The following LHFPL3 variants were observed in gnomAD, a reference collection of about 807,000 sequenced individuals.
LHFPL3 encodes LHFPL tetraspan subfamily member 3.
LHFPL3 carries 5 observed loss-of-function variants against 19.3 expected under a neutral mutation model. That is an observed-to-expected ratio of 0.26 (90% CI 0.14 to 0.54). The LOEUF (loss-of-function observed/expected upper bound fraction) is 0.54, where lower values mean the gene tolerates loss of function less well. Among genes scored for constraint, LHFPL3 ranks in the 20% least tolerant of loss-of-function variants. LHFPL3 has a pLI of 0.94. For synonymous variants in LHFPL3, 133 were observed against 126.2 expected (o/e 1.05, Z -0.36); for missense variants, 249 against 307.4 (o/e 0.81, Z 1.42).
intron 2 of LHFPL3, among the ~76,000 whole-genome samples, chr7:104,826,157 G>A (rs1486149765): frequency 1.3e-5 from 2 of 151,942 alleles, no homozygotes; most frequent in African/African-American, 4.9e-5. Flanking sequence ...CACCAAGGCT[G>A]CTGACCAGCC....
intron 1 of LHFPL3, among the ~76,000 whole-genome samples, chr7:104,456,691 A>T (rs1001074874): frequency 6.6e-6 from 1 of 152,178 alleles, no homozygotes; most frequent in Non-Finnish European, 1.5e-5. Flanking sequence ...CTACACTTGT[A>T]CTTTGGTGCC....
chr7:104,637,725 G>A (rs1475765827), intron 1 of LHFPL3, among the ~76,000 whole-genome samples: 1 of 149,438 alleles, frequency 6.7e-6, no homozygotes, highest in African/African-American at 2.5e-5. Context: ...TCTCTATTCT[G>A]TTTCATTGGT....
At chr7:104,670,871 T>TG (rs1792466138) in intron 1 of LHFPL3, among the ~76,000 whole-genome samples, 1 of 151,886 alleles carries the variant, frequency 6.6e-6, no homozygotes. Flanking sequence ...GTTTTGTTTT[T>TG]TTTTTTTTAA....
chr7:104,813,640 T>C (rs1192339413), intron 2 of LHFPL3, among the ~76,000 whole-genome samples: 2 of 152,160 alleles, frequency 1.3e-5, no homozygotes, highest in Non-Finnish European at 2.9e-5. Context: ...CAGTCAGACA[T>C]GCTGGCTGCT....
intron 1 of LHFPL3, among the ~76,000 whole-genome samples, chr7:104,521,641 T>C (rs1331164564): frequency 6.6e-6 from 1 of 152,160 alleles, no homozygotes; most frequent in African/African-American, 2.4e-5. Flanking sequence ...CCTACTCATC[T>C]GACAAAGGGC....
intron 1 of LHFPL3, among the ~76,000 whole-genome samples, chr7:104,696,241 C>T (rs1455475896): frequency 6.6e-5 from 10 of 152,188 alleles, no homozygotes; most frequent in Admixed American, 3.3e-4. Context: ...TGAGCCATTG[C>T]GCCCAGCCTG....
chr7:104,891,667 T>C (rs575347607), intron 2 of LHFPL3, among the ~76,000 whole-genome samples: 29 of 152,244 alleles, frequency 1.9e-4, no homozygotes, highest in African/African-American at 6.7e-4. Context: ...TGGGCAGAGG[T>C]TGGGAAGCCT....
intron 1 of LHFPL3, chr7:104,667,951 T>C (rs1267695849): frequency 3.7e-6 from 6 of 1,613,256 alleles, no homozygotes; most frequent in East Asian, 4.5e-5. Context: ...GCGCCTCCAA[T>C]TGACCGTTCC....
At position 104,328,769 on chromosome 7, in the gene LHFPL3, GGA is replaced by G; in HGVS notation, c.-9_-8del. On this transcript the variant is annotated 5_prime_UTR_variant, in exon 1 of 3. Transcript: ENST00000424859. The surrounding 1 kb of genome is among the most constrained non-coding windows in gnomAD (Gnocchi z 4.6). Reference sequence around the variant, plus strand: ...ACCAGGAGGAGGAGGAGGAGGAGGAGGAGGGGGAGAATGCCCGGAGCCGCCGC... The same window carrying G: ...ACCAGGAGGAGGAGGAGGAGGAGGAGGGGGGAGAATGCCCGGAGCCGCCGC... 1 of 1,568,288 alleles carries G rather than the reference GGA, an allele frequency of 6.4e-7. No homozygotes were observed. Among genetic ancestry groups the G allele is most frequent in the African/African-American group, 1.4e-5 (1 of 73,688 alleles).
intron 1 of LHFPL3, among the ~76,000 whole-genome samples, chr7:104,517,304 T>TA (rs1450430691): frequency 1.8e-4 from 27 of 151,952 alleles, no homozygotes; most frequent in African/African-American, 6.3e-4. Context: ...GTTAAATTTT[T>TA]AAAAAAATTG....
intron 1 of LHFPL3, among the ~76,000 whole-genome samples, chr7:104,397,236 T>C (rs1427052944): frequency 6.6e-6 from 1 of 152,138 alleles, no homozygotes; most frequent in Non-Finnish European, 1.5e-5. Context: ...GTAAAAGTTA[T>C]AGGCTGTGAT....
chr7:104,532,194 G>A (rs1430415080), intron 1 of LHFPL3, among the ~76,000 whole-genome samples: 1 of 151,836 alleles, frequency 6.6e-6, no homozygotes, highest in African/African-American at 2.4e-5. Context: ...ATAGCTCACT[G>A]TAGCCTCAAA....
intron 1 of LHFPL3, among the ~76,000 whole-genome samples, chr7:104,573,099 AG>A (rs1018425916): frequency 1.3e-5 from 2 of 152,116 alleles, no homozygotes; most frequent in African/African-American, 4.8e-5. Context: ...TCATTTGGGG[AG>A]GGAAAATGGG....
At chr7:104,650,859 TG>T (rs1429810734) in intron 1 of LHFPL3, among the ~76,000 whole-genome samples, 4 of 152,154 alleles carry the variant, frequency 2.6e-5, no homozygotes, top group Non-Finnish European at 5.9e-5. Flanking sequence ...AAAATTTCTA[TG>T]GGGCATCACT....
chr7:104,754,840 C>T (rs557714971), intron 2 of LHFPL3, among the ~76,000 whole-genome samples: 1 of 152,268 alleles, frequency 6.6e-6, no homozygotes, highest in South Asian at 2.1e-4. Flanking sequence ...ATGGCATCAG[C>T]ATAGTCTTCT....
intron 2 of LHFPL3, 100 bp from the exon 3 acceptor site, chr7:104,906,087 T>C: frequency 8.8e-7 from 1 of 1,130,224 alleles, no homozygotes; most frequent in South Asian, 1.3e-5. Flanking sequence ...GTATAGTTTT[T>C]CCGTGACAAA....
chr7:104,662,402 A>G (rs1408551955), intron 1 of LHFPL3, among the ~76,000 whole-genome samples: 3 of 152,198 alleles, frequency 2.0e-5, no homozygotes, highest in Non-Finnish European at 2.9e-5. Flanking sequence ...CAAGGACCCA[A>G]GTATGCAAGT....
chr7:104,388,532 C>A (rs1289362224), intron 1 of LHFPL3, among the ~76,000 whole-genome samples: 3 of 152,072 alleles, frequency 2.0e-5, no homozygotes, highest in African/African-American at 7.2e-5. Context: ...CGAACACTTC[C>A]CAACTTACTC....
intron 1 of LHFPL3, among the ~76,000 whole-genome samples, chr7:104,484,526 C>G (rs1357595290): frequency 6.6e-6 from 1 of 152,174 alleles, no homozygotes; most frequent in African/African-American, 2.4e-5. Context: ...TTTAGACTTA[C>G]CTTCTTAGAA....
Sources: allele counts gnomAD v4.1 joint callset (sites outside exome capture counted in the v4.1 genomes callset), GRCh38; gene constraint gnomAD v4.1.1; non-coding constraint Gnocchi (gnomAD v3.1); transcripts MANE v1.5; gene names NCBI Gene and HGNC (gene_info 2026-07-23, HGNC 2026-07-21).